The following AKAP6 variants were observed in gnomAD, a reference collection of about 807,000 sequenced individuals.
AKAP6 encodes the protein A-kinase anchoring protein 6.
AKAP6 carries 58 observed loss-of-function variants against 188.5 expected under a neutral mutation model. The ratio of observed to expected loss-of-function variants is 0.31; its 90% CI spans 0.25 to 0.38. AKAP6 has a LOEUF of 0.38. AKAP6 is among the 10% of genes least tolerant of loss of function. AKAP6 has a pLI of 1.00. For synonymous variants in AKAP6, 989 were observed against 998.6 expected (o/e 0.99, Z 0.18); for missense variants, 2,710 against 2,740.0 (o/e 0.99, Z 0.24).
chr14:32,719,925 A>T (rs2030441170), intron 9 of AKAP6, among the ~76,000 whole-genome samples: 1 of 152,140 alleles, frequency 6.6e-6, no homozygotes. Context: ...TCCAGATTTA[A>T]ACAAACTTGG....
rs567541592 is a variant in AKAP6 at position 32,550,561 on chromosome 14, C to T, written c.2346+3562C>T. Among the ~76,000 whole-genome samples, 9 of 152,314 alleles carry T rather than the reference C, an allele frequency of 5.9e-5. No individual in the cohort carries two copies. The East Asian group carries it at 1.4e-3, about 23-fold the overall frequency. On this transcript the variant is annotated intron_variant, in intron 4 of 13. Coordinates refer to ENST00000280979, the MANE Select transcript of AKAP6 (RefSeq NM_004274.5). ...GACTTTATGATATGCAGCGCTCTCC[C>T]GCATGCTCTCCCTTACTACACCAGA...
intron 13 of AKAP6, among the ~76,000 whole-genome samples, chr14:32,829,175 A>G (rs1384256751): frequency 6.6e-6 from 1 of 152,204 alleles, no homozygotes; most frequent in African/African-American, 2.4e-5. Context: ...TCAAGTTTGG[A>G]AGAAATTTAT....
intron 11 of AKAP6, among the ~76,000 whole-genome samples, chr14:32,745,958 C>A (rs2031892382): frequency 6.6e-6 from 1 of 152,174 alleles, no homozygotes; most frequent in South Asian, 2.1e-4. Flanking sequence ...CCAGCACAGA[C>A]CATGGAGAGT....
At chr14:32,757,667 T>C (rs8022948) in intron 11 of AKAP6, among the ~76,000 whole-genome samples, 53,900 of 152,162 alleles carry the variant, frequency 0.35, 12,594 homozygotes, top group African/African-American at 0.67. Flanking sequence ...GTGCTGGGCA[T>C]GGTGGATACT....
At chr14:32,399,568 C>A (rs552360904) in intron 1 of AKAP6, among the ~76,000 whole-genome samples, 26 of 152,124 alleles carry the variant, frequency 1.7e-4, no homozygotes, top group South Asian at 4.2e-4. Context: ...GACTCCCCAC[C>A]TAGATACCCA....
intron 12 of AKAP6, among the ~76,000 whole-genome samples, chr14:32,797,716 C>A (rs2033813361): frequency 6.6e-6 from 1 of 151,836 alleles, no homozygotes; most frequent in African/African-American, 2.4e-5. Flanking sequence ...AGCAAACCAC[C>A]ATGGCACATG....
At chr14:32,452,590 G>T (rs1042690743) in intron 2 of AKAP6, among the ~76,000 whole-genome samples, 11 of 152,170 alleles carry the variant, frequency 7.2e-5, no homozygotes, top group East Asian at 1.9e-4. Flanking sequence ...AGGGAGAATT[G>T]CTTGAGGCCA....
At chr14:32,622,570 A>G (rs1312678710) in intron 7 of AKAP6, among the ~76,000 whole-genome samples, 2 of 152,174 alleles carry the variant, frequency 1.3e-5, no homozygotes, top group Non-Finnish European at 2.9e-5. Context: ...ATGAATGATA[A>G]TCCTCTCTCC....
At chr14:32,805,772 G>A in intron 12 of AKAP6, among the ~76,000 whole-genome samples, 1 of 152,048 alleles carries the variant, frequency 6.6e-6, no homozygotes, top group East Asian at 1.9e-4. Context: ...CCCTTGAATT[G>A]TGTTTATGAA....
rs114186046 is a variant in AKAP6, at chr14:32,713,400, C to T, written c.3000+17290C>T. 2.9e-3 allele frequency among the ~76,000 whole-genome samples: 437 copies of T among 152,104 alleles called. 3 individuals carry two copies. Among genetic ancestry groups the T allele is most frequent in the African/African-American group, 0.01 (425 of 41,516 alleles). On this transcript the variant is annotated intron_variant, in intron 9 of 13. Coordinates refer to ENST00000280979, the MANE Select transcript of AKAP6 (RefSeq NM_004274.5). ...CCTCTCACAAGAGGGTCAGCCGTTC[C>T]TTTGAAGCTTTGAAGCTAGGCATTG...
rs771895850 is a variant in AKAP6 at position 32,433,518 on chromosome 14, TC to T, written c.31del (p.Leu11Ter). 4 of 1,613,856 alleles carry T rather than the reference TC, an allele frequency of 2.5e-6. No individual in the cohort carries two copies. The highest frequency in any genetic ancestry group is 3.4e-6 in the Non-Finnish European group (4 of 1,179,974). On this transcript the variant is annotated frameshift_variant, in exon 2 of 14. Transcript: ENST00000280979. LOFTEE classifies it high-confidence loss of function. MLTMSVTL[S>X]PLRSQDLDPM... is the part of the protein sequence containing the mutation. The stretch of plus-strand genomic sequence containing the variant: ...CATGTTAACCATGAGCGTGACACTT[TC>T]CCCCCTGAGGTCACAGGACCTGGAT...
At chr14:32,707,898 T>C (rs571671664) in intron 9 of AKAP6, among the ~76,000 whole-genome samples, 1 of 152,030 alleles carries the variant, frequency 6.6e-6, no homozygotes, top group East Asian at 1.9e-4. Context: ...CAGGTTGATA[T>C]CAGGGAGAAA....
At chr14:32,332,846 A>C (rs186825404) in intron 1 of AKAP6, among the ~76,000 whole-genome samples, 1 of 152,250 alleles carries the variant, frequency 6.6e-6, no homozygotes, top group East Asian at 1.9e-4. Context: ...TCTCTGACAA[A>C]GTACAAGAAT....
At position 32,711,353 on chromosome 14, in the gene AKAP6, T is replaced by C. The variant is rs144167443; in HGVS notation, c.3000+15243T>C. Among the ~76,000 whole-genome samples the C allele has an allele frequency of 4.2e-3, 634 of 152,198 alleles. 7 individuals carry two copies. The highest frequency in any genetic ancestry group is 0.014 in the African/African-American group (591 of 41,534). On this transcript the variant is annotated intron_variant, in intron 9 of 13. Coordinates refer to ENST00000280979, the MANE Select transcript of AKAP6 (RefSeq NM_004274.5). ...TCCTATACATTTCTTTCAACTGTGGTTGTCACTGTGCTCACAGGCACTTCT... is the reference window on the plus strand; with the variant it reads ...TCCTATACATTTCTTTCAACTGTGGCTGTCACTGTGCTCACAGGCACTTCT...
intron 1 of AKAP6, among the ~76,000 whole-genome samples, chr14:32,379,063 C>T (rs956434237): frequency 4.0e-5 from 6 of 151,880 alleles, no homozygotes; most frequent in Non-Finnish European, 8.8e-5. Flanking sequence ...GGATTACGGG[C>T]ATGCACCACC....
intron 7 of AKAP6, chr14:32,627,984 G>T (rs536294804): frequency 6.6e-6 from 1 of 152,146 alleles, no homozygotes; most frequent in East Asian, 1.9e-4. Context: ...GGATTATATG[G>T]CAGGGCAAAG....
At chr14:32,682,692 C>T (rs1889728928) in intron 8 of AKAP6, among the ~76,000 whole-genome samples, 2 of 152,082 alleles carry the variant, frequency 1.3e-5, no homozygotes, top group Admixed American at 1.3e-4. Flanking sequence ...TCAGGATGAC[C>T]TGTGGAGCTT....
intron 9 of AKAP6, among the ~76,000 whole-genome samples, chr14:32,728,381 T>C (rs558351925): frequency 7.8e-4 from 118 of 151,894 alleles, no homozygotes; most frequent in African/African-American, 2.8e-3. Context: ...TATCTATCTA[T>C]CTATCTATCT....
At chr14:32,758,944 G>C (rs2032443220) in intron 11 of AKAP6, among the ~76,000 whole-genome samples, 1 of 152,126 alleles carries the variant, frequency 6.6e-6, no homozygotes, top group African/African-American at 2.4e-5. Flanking sequence ...ACTTTTGGGA[G>C]CTCAACTCAG....
Sources: gnomAD v4.1 joint callset for allele counts (sites outside exome capture counted in the v4.1 genomes callset) on GRCh38, gnomAD v4.1.1 for gene constraint, MANE v1.5 for transcripts, NCBI Gene and HGNC (gene_info 2026-07-23, HGNC 2026-07-21) for gene names.